The following LAPTM4A variants were observed in gnomAD, a reference collection of about 807,000 sequenced individuals.
LAPTM4A encodes lysosomal-associated transmembrane protein 4A.
LAPTM4A carries 19 observed loss-of-function variants against 29.9 expected under a neutral mutation model. That is an observed-to-expected ratio of 0.64 (90% CI 0.44 to 0.93). The LOEUF (loss-of-function observed/expected upper bound fraction) is 0.93. LAPTM4A is among the 40% of genes least tolerant of loss of function. The pLI is 0.00. For missense variants in LAPTM4A, 293 were observed against 288.5 expected, an observed-to-expected ratio of 1.02 and a Z score of -0.11; for synonymous variants, 105 against 102.1, an observed-to-expected ratio of 1.03 and a Z score of -0.17.
intron 6 of LAPTM4A, among the ~76,000 whole-genome samples, chr2:20,033,520 C>A (rs979776033): frequency 1.3e-5 from 2 of 152,078 alleles, no homozygotes; most frequent in African/African-American, 4.8e-5. Flanking sequence ...TGCTTCTGGA[C>A]AAGGATTCCT....
intron 1 of LAPTM4A, among the ~76,000 whole-genome samples, chr2:20,048,514 T>TA (rs1673985063): frequency 6.6e-6 from 1 of 152,198 alleles, no homozygotes. Context: ...TATATGGTGT[T>TA]ACGATACTTT....
chr2:20,041,255 C>G (rs1415942354), intron 1 of LAPTM4A, among the ~76,000 whole-genome samples: 2 of 152,092 alleles, frequency 1.3e-5, no homozygotes, highest in South Asian at 2.1e-4. Flanking sequence ...TTAACCAATA[C>G]ACCAGAAAAA....
Position 20,034,950 on chromosome 2 carries a change from T to C in LAPTM4A, c.528+17A>G. 2 of 1,579,178 alleles carry C rather than the reference T, an allele frequency of 1.3e-6. No individual in the cohort carries two copies. Among genetic ancestry groups the C allele is most frequent in the Non-Finnish European group, 1.7e-6 (2 of 1,152,062 alleles). On this transcript the variant is annotated intron_variant, in intron 5 of 6. Coordinates refer to ENST00000175091, the MANE Select transcript of LAPTM4A (RefSeq NM_014713.5). ...TGTCAATCTCAGTCACCCCTAAAGA[T>C]TTAGTCAGCAACGTACCTTAAAAAT...
At chr2:20,051,374 C>T (rs773682059) in intron 1 of LAPTM4A, 36 bp downstream of exon 1, 1 of 1,388,916 alleles carries the variant, frequency 7.2e-7, no homozygotes, top group South Asian at 1.2e-5. Context: ...GCTCCCCAGG[C>T]CCCCCGGACA....
intron 1 of LAPTM4A, among the ~76,000 whole-genome samples, chr2:20,050,033 GAA>G (rs763869759): frequency 6.6e-6 from 1 of 152,156 alleles, no homozygotes; most frequent in Non-Finnish European, 1.5e-5. Flanking sequence ...AATACAGAAC[GAA>G]AGAGTCTCTG....
At chr2:20,045,783 C>A (rs1267596407) in intron 1 of LAPTM4A, among the ~76,000 whole-genome samples, 2 of 152,104 alleles carry the variant, frequency 1.3e-5, no homozygotes, top group Non-Finnish European at 2.9e-5. Context: ...CCAGAAGATT[C>A]TCTGGAGACT....
chr2:20,044,814 CTTT>C (rs1472873913), intron 1 of LAPTM4A, among the ~76,000 whole-genome samples: 4 of 152,218 alleles, frequency 2.6e-5, no homozygotes, highest in Non-Finnish European at 5.9e-5. Context: ...TCCAAATCTT[CTTT>C]GAGTTAATTA....
chr2:20,038,532 T>A (rs902558375), intron 2 of LAPTM4A, among the ~76,000 whole-genome samples: 19 of 152,056 alleles, frequency 1.2e-4, no homozygotes, highest in African/African-American at 4.1e-4. Flanking sequence ...TTCATGTGAT[T>A]CTCTTGCCTC....
chr2:20,044,871 T>C (rs1022888278), intron 1 of LAPTM4A, among the ~76,000 whole-genome samples: 3 of 152,178 alleles, frequency 2.0e-5, no homozygotes, highest in Admixed American at 2.0e-4. Context: ...CCAACTTACA[T>C]CTTAAAGTAT....
At chr2:20,041,801 G>C (rs1382090357) in intron 1 of LAPTM4A, among the ~76,000 whole-genome samples, 1 of 152,180 alleles carries the variant, frequency 6.6e-6, no homozygotes, top group African/African-American at 2.4e-5. Context: ...CTCCCAAAGT[G>C]TTGGTATTAC....
chr2:20,046,711 T>C (rs1673927429), intron 1 of LAPTM4A, among the ~76,000 whole-genome samples: 1 of 143,198 alleles, frequency 7.0e-6, no homozygotes, highest in Non-Finnish European at 1.5e-5. Context: ...ATGTTTTATA[T>C]ATATTTATAT....
In LAPTM4A at chr2:20,033,114, A is replaced by C. The variant is rs1673599232; in HGVS notation, c.*91T>G. On this transcript the variant is annotated 3_prime_UTR_variant, in exon 7 of 7. Transcript: ENST00000175091. The stretch of plus-strand genomic sequence containing the variant: ...AACAAAAGACAACATATTTTATATC[A>C]AACAAGTTTGAAGAGCCCTGAATTG... 1 of 1,046,762 alleles carries C rather than the reference A, an allele frequency of 9.6e-7. No homozygotes were observed. The highest frequency in any genetic ancestry group is 1.3e-5 in the South Asian group (1 of 75,080). 64.8% of individuals were successfully genotyped at this position (1,046,762 alleles called of 1,614,324 possible).
chr2:20,044,363 C>T (rs540655223), intron 1 of LAPTM4A, among the ~76,000 whole-genome samples: 9 of 152,156 alleles, frequency 5.9e-5, no homozygotes, highest in Non-Finnish European at 7.3e-5. Context: ...AAGCTCTCTG[C>T]GGTACAGAAA....
rs143567656 is a variant in LAPTM4A, at chr2:20,043,594, A to G, written c.112-2583T>C. On this transcript the variant is annotated intron_variant, in intron 1 of 6. Coordinates refer to ENST00000175091, the MANE Select transcript of LAPTM4A (RefSeq NM_014713.5). The stretch of plus-strand genomic sequence containing the variant: ...TGAATGATAAACACACAGGAAATGC[A>G]TTTTCCTTTTATCAGCTGAAGTCAT... Among the ~76,000 whole-genome samples, 472 of 152,230 alleles carry G rather than the reference A, an allele frequency of 3.1e-3. 2 individuals are homozygous for G. Among genetic ancestry groups the G allele is most frequent in the African/African-American group, 0.01 (434 of 41,528 alleles).
At chr2:20,050,830 G>T (rs1486583709) in intron 1 of LAPTM4A, among the ~76,000 whole-genome samples, 1 of 152,210 alleles carries the variant, frequency 6.6e-6, no homozygotes, top group African/African-American at 2.4e-5. Flanking sequence ...CGTCAACTCA[G>T]GCAAAAGCTA....
At chr2:20,050,562 G>C (rs974260946) in intron 1 of LAPTM4A, among the ~76,000 whole-genome samples, 1 of 152,152 alleles carries the variant, frequency 6.6e-6, no homozygotes, top group Non-Finnish European at 1.5e-5. Context: ...GACAAGTTAG[G>C]TTTAATGTGC....
intron 1 of LAPTM4A, among the ~76,000 whole-genome samples, chr2:20,047,696 C>CAAAAAAAAAAAA (rs61601787): frequency 6.5e-5 from 5 of 76,706 alleles, no homozygotes; most frequent in African/African-American, 2.5e-4. Flanking sequence ...GACTCCGTCT[C>CAAAAAAAAAAAA]AAAAAAAAAA....
In LAPTM4A at chr2:20,033,497, GGA is replaced by G. The variant is rs146406746; in HGVS notation, c.628-220_628-219del. On this transcript the variant is annotated intron_variant, in intron 6 of 6. Transcript: ENST00000175091. Reference sequence around the variant, plus strand: ...GGGGAGGGTGGAGAGAGGGAGGTGGGGAGAGAGAGTCCTGCTTCTGGACAAGG... The same window carrying G: ...GGGGAGGGTGGAGAGAGGGAGGTGGGGAGAGAGTCCTGCTTCTGGACAAGG... Among the ~76,000 whole-genome samples, 1,283 of 152,208 alleles carry G rather than the reference GGA, an allele frequency of 8.4e-3. 85 individuals carry two copies. In the East Asian group the frequency reaches 0.17, roughly 20 times the overall value.
chr2:20,047,968 A>G (rs962257472), intron 1 of LAPTM4A, among the ~76,000 whole-genome samples: 2 of 152,204 alleles, frequency 1.3e-5, no homozygotes, highest in Non-Finnish European at 2.9e-5. Flanking sequence ...GAAACTAACA[A>G]ATATAAACAA....
Sources: gnomAD v4.1 joint callset for allele counts (sites outside exome capture counted in the v4.1 genomes callset) on GRCh38, gnomAD v4.1.1 for gene constraint, MANE v1.5 for transcripts, NCBI Gene and HGNC (gene_info 2026-07-23, HGNC 2026-07-21) for gene names.